DDX55: variants seen among roughly 807,000 people sequenced by gnomAD.
The protein encoded by DDX55 is DEAD-box helicase 55.
DDX55 carries 56 observed loss-of-function variants against 69.2 expected under a neutral mutation model. That is an observed-to-expected ratio of 0.81 (90% confidence interval 0.65 to 1.01). DDX55 has a LOEUF of 1.01. DDX55 is among the 50% of genes least tolerant of loss of function. The pLI is 0.00. For missense variants in DDX55, 720 were observed against 745.1 expected (o/e 0.97, Z 0.39); for synonymous variants, 268 against 273.1 (o/e 0.98, Z 0.18).
At position 123,617,810 on chromosome 12, in the gene DDX55, G is replaced by A. The variant is rs916500018; in HGVS notation, c.1102G>A (p.Ala368Thr). 1.9e-6 allele frequency: 3 copies of A among 1,613,904 alleles called. No homozygotes were observed. Among genetic ancestry groups the A allele is most frequent in the South Asian group, 1.1e-5 (1 of 91,068 alleles). The change falls in exon 11 of 14, where the codon GCT becomes ACT. Residue 368 changes from alanine (A) to threonine (T), a missense_variant. By Grantham distance (58) the Ala-to-Thr change is moderately conservative. Coordinates refer to ENST00000238146, the MANE Select transcript of DDX55 (RefSeq NM_020936.3). The part of the protein sequence containing the change: ...RTARIGHGGS[A>T]LVFLLPMEES... Reference sequence around the variant, plus strand: ...AGCTCGCATTGGCCACGGGGGCAGCGCTCTGGTGTTCCTCCTGCCCATGGA... The same window carrying A: ...AGCTCGCATTGGCCACGGGGGCAGCACTCTGGTGTTCCTCCTGCCCATGGA...
rs1954072210 is a variant in DDX55, at chr12:123,609,370, G to GTTTTGTT, written c.551+545_551+546insGTTTTTT. Among the ~76,000 whole-genome samples the GTTTTGTT allele has an allele frequency of 1.6e-5, 2 of 124,700 alleles. 1 individual carries two copies. Among genetic ancestry groups the GTTTTGTT allele is most frequent in the Admixed American group, 1.7e-4 (2 of 12,108 alleles). The allele number at this position is 124,700 out of a possible 152,430, so 81.8% of individuals were successfully genotyped here. On this transcript the variant is annotated intron_variant, in intron 6 of 13. Transcript: ENST00000238146. ...GATCTTAAAATGCACTTTCCTTCAA[G>GTTTTGTT]TTTTTTTTTTTTTTTTTTTTTTGAG...
intron 13 of DDX55, 74 bp from the exon 14 acceptor site, chr12:123,619,890 A>C: frequency 6.5e-7 from 1 of 1,541,314 alleles, no homozygotes; most frequent in Non-Finnish European, 8.7e-7. Flanking sequence ...ATAGTTCTTG[A>C]GTTAAAACTG....
chr12:123,618,940 T>A (rs1954919073), intron 12 of DDX55, 103 bp downstream of exon 12: 1 of 1,508,368 alleles, frequency 6.6e-7, no homozygotes, highest in South Asian at 1.3e-5. Flanking sequence ...TTCCCAGGTT[T>A]TGAGTAGACA....
chr12:123,619,620 G>T lies in DDX55; in HGVS notation c.1522G>T (p.Glu508Ter). Residue 508 changes from glutamate (E) to a stop codon, truncating the protein, a stop_gained, in exon 13 of 14, where the codon GAA becomes TAA. Coordinates refer to ENST00000238146, the MANE Select transcript of DDX55 (RefSeq NM_020936.3). LOFTEE classifies it high-confidence loss of function. ...LLEQQRREKT[E>*]NEGRRKFIKN... ...GGAGCAACAAAGAAGAGAGAAAACA[G>T]AAAATGAAGGGAGAAGAAAATTCAT... The T allele has an allele frequency of 6.2e-7, 1 of 1,611,696 alleles. No individual in the cohort carries two copies. Among genetic ancestry groups the T allele is most frequent in the Non-Finnish European group, 8.5e-7 (1 of 1,179,074 alleles).
chr12:123,619,110 C>A (rs977520207), intron 12 of DDX55, among the ~76,000 whole-genome samples: 26 of 152,258 alleles, frequency 1.7e-4, no homozygotes, highest in African/African-American at 6.3e-4. Context: ...TCACGCCATT[C>A]TCCTGTCTCA....
chr12:123,610,023 G>C lies in DDX55; in HGVS notation c.636G>C (p.Leu212=), dbSNP rs761334508. ...CTCAGACGCAGGAAGTGGAGAACCT[G>C]GTGAGAGCGGGCCTCCGGAACCCTG... ...SATQTQEVEN[L]VRAGLRNPVR... The change falls in exon 7 of 14, where the codon CTG becomes CTC. Residue 212 remains leucine, a synonymous_variant. Transcript: ENST00000238146. 5.0e-6 allele frequency: 8 copies of C among 1,614,076 alleles called. No homozygotes were observed. The highest frequency in any genetic ancestry group is 6.8e-6 in the Non-Finnish European group (8 of 1,180,050).
intron 9 of DDX55, among the ~76,000 whole-genome samples, chr12:123,616,189 T>C (rs1954650320): frequency 6.6e-6 from 1 of 152,188 alleles, no homozygotes; most frequent in Non-Finnish European, 1.5e-5. Context: ...ACCTGACTGC[T>C]AGGCCTCAGT....
intron 1 of DDX55, among the ~76,000 whole-genome samples, chr12:123,603,392 C>CTTTTTTTT (rs11438746): frequency 7.8e-6 from 1 of 128,572 alleles, no homozygotes; most frequent in Non-Finnish European, 1.6e-5. Context: ...GGTTTTTATT[C>CTTTTTTTT]TTTTTTTTTT....
chr12:123,606,202 G>C, intron 3 of DDX55, 43 bp downstream of exon 3: 1 of 1,605,612 alleles, frequency 6.2e-7, no homozygotes, highest in South Asian at 1.1e-5. Context: ...AGTCATCAGA[G>C]AGTTCACATT....
In DDX55 at chr12:123,615,190, G is replaced by T. The variant is rs1455539696; in HGVS notation, c.830G>T (p.Cys277Phe). ...GCCCTCTGTCCCTCTTGCAGCACCT[G>T]TGCCTGTGTGGAATACTATGGGAAG... ...QEKHLVFFSTCACVEYYGKAL... is the reference protein window; with the variant it reads ...QEKHLVFFSTFACVEYYGKAL... The change falls in exon 9 of 14, where the codon TGT becomes TTT. Residue 277 changes from cysteine to phenylalanine, a missense_variant. Coordinates refer to ENST00000238146, the MANE Select transcript of DDX55 (RefSeq NM_020936.3). 1 of 1,614,080 alleles carries T rather than the reference G, an allele frequency of 6.2e-7. No individual in the cohort carries two copies.
At chr12:123,609,544 T>A (rs1954087118) in intron 6 of DDX55, among the ~76,000 whole-genome samples, 3 of 151,912 alleles carry the variant, frequency 2.0e-5, no homozygotes, top group South Asian at 2.1e-4. Context: ...CTTTTTTTTT[T>A]TAATTTTTGG....
chr12:123,607,417 C>G lies in DDX55; in HGVS notation c.247-15C>G. On this transcript the variant is annotated splice_polypyrimidine_tract_variant and intron_variant, in intron 3 of 13. Coordinates refer to ENST00000238146, the MANE Select transcript of DDX55 (RefSeq NM_020936.3). ...CTTGTGCTGCTGACTGTGTCCCTTC[C>G]TTCCATGTGGGTAGGTTGGAGCCAT... 1 of 1,613,688 alleles carries G rather than the reference C, an allele frequency of 6.2e-7. No individual in the cohort carries two copies. Among genetic ancestry groups the G allele is most frequent in the Non-Finnish European group, 8.5e-7 (1 of 1,179,858 alleles).
At chr12:123,618,623 G>A (rs776531688) in intron 11 of DDX55, 46 bp from the exon 12 acceptor site, 3 of 1,591,442 alleles carry the variant, frequency 1.9e-6, no homozygotes, top group Non-Finnish European at 2.6e-6. Context: ...CTGGGGATAT[G>A]ATGCCAGCCA....
chr12:123,607,300 G>T, intron 3 of DDX55, 132 bp from the exon 4 acceptor site: 1 of 882,158 alleles, frequency 1.1e-6, no homozygotes, highest in Non-Finnish European at 1.8e-6. Context: ...GCTCAGAGAT[G>T]CTGCTGAGAA....
intron 1 of DDX55, among the ~76,000 whole-genome samples, chr12:123,602,931 G>A (rs1360893728): frequency 6.6e-6 from 1 of 152,222 alleles, no homozygotes; most frequent in African/African-American, 2.4e-5. Context: ...TGAGACCTCA[G>A]TGATTGAGAA....
chr12:123,602,315 CG>C, intron 1 of DDX55, 59 bp downstream of exon 1: 1 of 1,443,304 alleles, frequency 6.9e-7, no homozygotes, highest in Non-Finnish European at 9.3e-7. Flanking sequence ...CCCGCTGCAT[CG>C]GACCCACAGG....
intron 9 of DDX55, among the ~76,000 whole-genome samples, chr12:123,615,567 G>T (rs529822597): frequency 6.6e-6 from 1 of 152,164 alleles, no homozygotes; most frequent in Non-Finnish European, 1.5e-5. Context: ...AGCAGGCTCC[G>T]TGACACAGGA....
intron 5 of DDX55, 47 bp downstream of exon 5, chr12:123,607,709 G>T: frequency 6.2e-7 from 1 of 1,613,598 alleles, no homozygotes; most frequent in South Asian, 1.1e-5. Flanking sequence ...TTTTGGCATT[G>T]AACCTAAGAA....
At chr12:123,608,863 G>T in intron 6 of DDX55, 34 bp downstream of exon 6, 2 of 1,591,762 alleles carry the variant, frequency 1.3e-6, no homozygotes, top group Non-Finnish European at 1.7e-6. Context: ...GCTTGAGTGG[G>T]CAGATGATAC....
Sources: allele counts gnomAD v4.1 joint callset (sites outside exome capture counted in the v4.1 genomes callset), GRCh38; gene constraint gnomAD v4.1.1; transcripts MANE v1.5; gene names NCBI Gene and HGNC (gene_info 2026-07-23, HGNC 2026-07-21).